MAN2A1: variants seen among roughly 807,000 people sequenced by gnomAD.
The protein encoded by MAN2A1 is mannosidase alpha class 2A member 1, also known as alpha-mannosidase 2.
Under a neutral mutation model 142.6 loss-of-function variants are expected in MAN2A1, and 76 were observed. The observed-to-expected ratio is 0.53, with a 90% confidence interval of 0.44 to 0.65. The LOEUF is 0.65. MAN2A1 is among the 30% of genes least tolerant of loss of function. MAN2A1 has a pLI of 0.00. For missense variants in MAN2A1, 1,311 were observed against 1,365.1 expected (o/e 0.96, Z 0.62); for synonymous variants, 559 against 473.2 (o/e 1.18, Z -2.35).
intron 5 of MAN2A1, 44 bp from the exon 6 acceptor site, chr5:109,767,491 A>C (rs924961839): frequency 1.6e-5 from 24 of 1,523,762 alleles, no homozygotes; most frequent in Non-Finnish European, 2.1e-5. Context: ...TTTTTATTTC[A>C]TATATCAATT....
In MAN2A1 at chr5:109,865,103, C is replaced by T. The variant is rs770916865; in HGVS notation, c.3239C>T (p.Ser1080Phe). ...AGAAAAGGGTTTGATTGTCGGTTCT[C>T]TAGCAAAGGCACAGGGCTGTTTTGT... ...LHRKGFDCRF[S>F]SKGTGLFCST... is the part of the protein sequence containing the mutation. The change falls in exon 21 of 22, where the codon TCT (serine) becomes TTT (phenylalanine). Residue 1080 changes from serine (S) to phenylalanine (F), a missense_variant. Transcript: ENST00000261483. The T allele has an allele frequency of 6.2e-7, 1 of 1,614,044 alleles. No homozygotes were observed. Among genetic ancestry groups the T allele is most frequent in the Non-Finnish European group, 8.5e-7 (1 of 1,179,936 alleles).
intron 8 of MAN2A1, among the ~76,000 whole-genome samples, chr5:109,779,286 A>C (rs1753381578): frequency 6.6e-6 from 1 of 152,178 alleles, no homozygotes; most frequent in Admixed American, 6.5e-5. Context: ...AACTAATTGA[A>C]ATATTTTCAA....
At chr5:109,690,675 GGC>G in intron 1 of MAN2A1, 123 bp downstream of exon 1, 3 of 1,115,398 alleles carry the variant, frequency 2.7e-6, no homozygotes, top group Non-Finnish European at 3.8e-6. Flanking sequence ...CGAGGCCAGG[GGC>G]TCTGTAGCTC....
rs928404522 is a variant in MAN2A1, at chr5:109,867,359, A to G, written c.*361A>G. On this transcript the variant is annotated 3_prime_UTR_variant, in exon 22 of 22. Transcript: ENST00000261483. ...GGGTTGCGAAGAGATTCTTAAAAGT[A>G]TCTGTGTGTTGATCATCAGTTTTAC... 1 of 157,950 alleles carries G rather than the reference A, an allele frequency of 6.3e-6. No homozygotes were observed. Among genetic ancestry groups the G allele is most frequent in the African/African-American group, 2.4e-5 (1 of 41,714 alleles). The allele number at this position is 157,950 out of a possible 1,614,324, so 9.8% of individuals were successfully genotyped here.
In MAN2A1 at chr5:109,817,283, G is replaced by A. The variant is rs1220081855; in HGVS notation, c.1954G>A (p.Val652Ile). The change falls in exon 13 of 22, where the codon GTC becomes ATC. Residue 652 changes from valine (V) to isoleucine (I), a missense_variant. Transcript: ENST00000261483. Reference sequence around the variant, plus strand: ...CAGCTGTTTTTGCAGGTACCTTGTGGTCTATAATCCTTTAGAACAAGACCG... The same window carrying A: ...CAGCTGTTTTTGCAGGTACCTTGTGATCTATAATCCTTTAGAACAAGACCG... ...RLSAEPRYLV[V>I]YNPLEQDRIS... 3.1e-6 allele frequency: 5 copies of A among 1,613,614 alleles called. No homozygotes were observed. The highest frequency in any genetic ancestry group is 4.2e-6 in the Non-Finnish European group (5 of 1,179,780).
At chr5:109,855,035 C>T in intron 19 of MAN2A1, 105 bp from the exon 20 acceptor site, 10 of 530,342 alleles carry the variant, frequency 1.9e-5, no homozygotes, top group South Asian at 5.8e-5. Flanking sequence ...GTAATGAAAC[C>T]AAATTATTCA....
At chr5:109,808,601 T>C (rs1197980327) in intron 12 of MAN2A1, among the ~76,000 whole-genome samples, 1 of 152,096 alleles carries the variant, frequency 6.6e-6, no homozygotes, top group Non-Finnish European at 1.5e-5. Flanking sequence ...TTAGCTAATA[T>C]AATGTTTTGA....
At chr5:109,782,061 TG>T (rs2112667762) in intron 9 of MAN2A1, among the ~76,000 whole-genome samples, 1 of 152,298 alleles carries the variant, frequency 6.6e-6, no homozygotes, top group East Asian at 1.9e-4. Context: ...ATTTTGTATG[TG>T]GGAGAACTTT....
At chr5:109,714,931 T>G (rs1444670003) in intron 2 of MAN2A1, among the ~76,000 whole-genome samples, 2 of 152,018 alleles carry the variant, frequency 1.3e-5, no homozygotes, top group African/African-American at 2.4e-5. Flanking sequence ...TTTATTTAGT[T>G]TTTTGTTGAG....
chr5:109,846,153 T>A, intron 18 of MAN2A1, 147 bp downstream of exon 18: 1 of 655,510 alleles, frequency 1.5e-6, no homozygotes, highest in Non-Finnish European at 2.4e-6. Flanking sequence ...GACTATTAGT[T>A]AAGTTTGGGT....
intron 12 of MAN2A1, among the ~76,000 whole-genome samples, chr5:109,808,923 G>A (rs191480996): frequency 1.6e-4 from 24 of 151,910 alleles, no homozygotes; most frequent in South Asian, 1.2e-3. Flanking sequence ...GGCTGGTCTC[G>A]AACTCCTTAC....
intron 20 of MAN2A1, among the ~76,000 whole-genome samples, chr5:109,856,812 T>C (rs1019962157): frequency 1.2e-4 from 19 of 152,100 alleles, no homozygotes; most frequent in Non-Finnish European, 2.2e-4. Context: ...CTTTTTAAAA[T>C]CATTATCAGT....
intron 16 of MAN2A1, among the ~76,000 whole-genome samples, chr5:109,833,231 G>A (rs891393076): frequency 1.3e-5 from 2 of 151,868 alleles, no homozygotes; most frequent in Non-Finnish European, 2.9e-5. Flanking sequence ...GACGATGGGC[G>A]GCCAGGCAGA....
chr5:109,784,709 G>T (rs753063971), intron 9 of MAN2A1, 35 bp from the exon 10 acceptor site: 1 of 1,490,866 alleles, frequency 6.7e-7, no homozygotes, highest in Non-Finnish European at 9.0e-7. Context: ...TAAAGTGTTT[G>T]TTTTAAAATA....
chr5:109,791,382 C>T (rs1038678912), intron 12 of MAN2A1, among the ~76,000 whole-genome samples: 1 of 151,892 alleles, frequency 6.6e-6, no homozygotes, highest in African/African-American at 2.4e-5. Flanking sequence ...AATAGATGAA[C>T]AATGAAGGAA....
chr5:109,801,425 C>T (rs1754028307), intron 12 of MAN2A1, among the ~76,000 whole-genome samples: 2 of 152,166 alleles, frequency 1.3e-5, no homozygotes, highest in Admixed American at 6.5e-5. Context: ...AACTGTGCCA[C>T]ATGTCTGCAT....
chr5:109,862,621 T>A (rs1409715139), intron 20 of MAN2A1: 1 of 152,172 alleles, frequency 6.6e-6, no homozygotes, highest in Non-Finnish European at 1.5e-5. Context: ...GAGCATACAG[T>A]GTGACTGCTT....
intron 4 of MAN2A1, among the ~76,000 whole-genome samples, chr5:109,745,102 G>A (rs922667002): frequency 3.3e-5 from 5 of 152,098 alleles, no homozygotes; most frequent in African/African-American, 1.2e-4. Flanking sequence ...TTGGGGGCAG[G>A]GTGAGTGGGC....
At chr5:109,787,560 G>A (rs1386549440) in intron 10 of MAN2A1, among the ~76,000 whole-genome samples, 2 of 151,946 alleles carry the variant, frequency 1.3e-5, no homozygotes, top group Non-Finnish European at 2.9e-5. Flanking sequence ...GAAAACATTT[G>A]GGGAGTGATA....
Sources: gnomAD v4.1 joint callset for allele counts (sites outside exome capture counted in the v4.1 genomes callset) on GRCh38, gnomAD v4.1.1 for gene constraint, MANE v1.5 for transcripts, NCBI Gene and HGNC (gene_info 2026-07-23, HGNC 2026-07-21) for gene names.